The following SGCD variants were observed in gnomAD, a reference collection of about 807,000 sequenced individuals.
SGCD encodes sarcoglycan delta, also known as delta-sarcoglycan.
A neutral mutation model predicts 36.6 loss-of-function variants in SGCD; 18 were observed. The observed-to-expected ratio is 0.49, with a 90% CI of 0.34 to 0.73. The LOEUF (loss-of-function observed/expected upper bound fraction) is 0.73. Among genes scored for constraint, SGCD ranks in the 30% least tolerant of loss-of-function variants. SGCD has a pLI of 0.01. For missense variants in SGCD, 387 were observed against 346.7 expected (o/e 1.12, Z -0.92); for synonymous variants, 133 against 130.6 (o/e 1.02, Z -0.12).
intron 1 of SGCD, among the ~76,000 whole-genome samples, chr5:155,953,252 C>T (rs905436250): frequency 1.3e-5 from 2 of 152,122 alleles, no homozygotes; most frequent in East Asian, 3.9e-4. Flanking sequence ...TTAATACCCT[C>T]CTCTGTTTAT....
At chr5:155,817,355 G>C in the SGCD span, among the ~76,000 whole-genome samples, 2 of 150,568 alleles carry the variant, frequency 1.3e-5, no homozygotes, top group Non-Finnish European at 3.0e-5. Flanking sequence ...CTGATATTAG[G>C]GTCCTGCAAG....
chr5:156,346,224 A>G (rs901015304), intron 3 of SGCD, among the ~76,000 whole-genome samples: 2 of 152,130 alleles, frequency 1.3e-5, no homozygotes, highest in African/African-American at 4.8e-5. Context: ...AAACAAAAAT[A>G]TTACCTTGAT....
At chr5:155,972,189 T>C (rs1026541664) in intron 1 of SGCD, among the ~76,000 whole-genome samples, 1 of 152,212 alleles carries the variant, frequency 6.6e-6, no homozygotes, top group African/African-American at 2.4e-5. Flanking sequence ...GAATAATACA[T>C]GCTAATTGTC....
chr5:156,001,117 C>T (rs1156837222), intron 1 of SGCD, among the ~76,000 whole-genome samples: 1 of 152,210 alleles, frequency 6.6e-6, no homozygotes, highest in Non-Finnish European at 1.5e-5. Context: ...CCTGCTTGGT[C>T]TTTACACCAT....
chr5:156,297,024 C>T (rs1455289470), intron 3 of SGCD, among the ~76,000 whole-genome samples: 1 of 137,422 alleles, frequency 7.3e-6, no homozygotes, highest in Non-Finnish European at 1.5e-5. Context: ...GTGTGTATAG[C>T]ATATAAATAT....
chr5:156,243,304 G>A (rs972728762), intron 3 of SGCD, among the ~76,000 whole-genome samples: 1 of 152,190 alleles, frequency 6.6e-6, no homozygotes, highest in Non-Finnish European at 1.5e-5. Context: ...AGCTAGATGT[G>A]GGATGTTGGA....
chr5:156,078,557 A>T (rs906173009), intron 1 of SGCD, among the ~76,000 whole-genome samples: 1 of 120,272 alleles, frequency 8.3e-6, no homozygotes, highest in African/African-American at 4.3e-5. Context: ...ATATATATTT[A>T]TATTTATATA....
At chr5:156,171,402 A>G (rs1253851795) in intron 3 of SGCD, among the ~76,000 whole-genome samples, 1 of 152,188 alleles carries the variant, frequency 6.6e-6, no homozygotes, top group Non-Finnish European at 1.5e-5. Flanking sequence ...GATTTTCATC[A>G]ATAGATCTAA....
chr5:156,308,639 C>T (rs1468282254), intron 3 of SGCD, among the ~76,000 whole-genome samples: 1 of 152,094 alleles, frequency 6.6e-6, no homozygotes, highest in Admixed American at 6.5e-5. Context: ...CATGAGAAGT[C>T]ACTCACTATC....
intron 1 of SGCD, among the ~76,000 whole-genome samples, chr5:155,993,924 G>C (rs765229190): frequency 6.6e-6 from 1 of 152,152 alleles, no homozygotes; most frequent in Non-Finnish European, 1.5e-5. Flanking sequence ...GTCCACCAAG[G>C]TTCAAGGGAA....
intron 3 of SGCD, among the ~76,000 whole-genome samples, chr5:156,299,701 G>A (rs1767000069): frequency 6.6e-6 from 1 of 152,078 alleles, no homozygotes; most frequent in African/African-American, 2.4e-5. Context: ...TGTAGTTGTA[G>A]TAAATGGGAT....
intron 3 of SGCD, among the ~76,000 whole-genome samples, chr5:156,345,234 T>C (rs746251627): frequency 1.3e-5 from 2 of 152,208 alleles, no homozygotes; most frequent in Non-Finnish European, 2.9e-5. Context: ...AATGTAGCTG[T>C]GTTTCATTTT....
At chr5:156,249,186 G>A (rs1170540069) in intron 3 of SGCD, among the ~76,000 whole-genome samples, 1 of 152,192 alleles carries the variant, frequency 6.6e-6, no homozygotes, top group Non-Finnish European at 1.5e-5. Context: ...TGAGGACTGA[G>A]CCTTGAGAAG....
chr5:156,307,027 A>G (rs184927073), intron 3 of SGCD, among the ~76,000 whole-genome samples: 21 of 148,696 alleles, frequency 1.4e-4, no homozygotes, highest in Non-Finnish European at 3.1e-4. Flanking sequence ...CTATTTGCAC[A>G]GAATATAAGT....
chr5:156,463,575 A>G (rs1754588435), intron 3 of SGCD, among the ~76,000 whole-genome samples: 1 of 152,152 alleles, frequency 6.6e-6, no homozygotes, highest in African/African-American at 2.4e-5. Context: ...ATGGATGGCT[A>G]AAAGGAACAG....
chr5:155,728,573 A>AG, the SGCD span, among the ~76,000 whole-genome samples: 1 of 152,176 alleles, frequency 6.6e-6, no homozygotes, highest in Non-Finnish European at 1.5e-5. Context: ...GGCTCTAAGC[A>AG]GCGCGATGCT....
the SGCD span, among the ~76,000 whole-genome samples, chr5:155,802,767 C>G: frequency 2.0e-5 from 3 of 152,138 alleles, no homozygotes; most frequent in African/African-American, 7.2e-5. Context: ...TGGAATTTAA[C>G]TATTTTCTCT....
At chr5:155,743,495 A>G in the SGCD span, among the ~76,000 whole-genome samples, 2 of 152,236 alleles carry the variant, frequency 1.3e-5, no homozygotes, top group African/African-American at 2.4e-5. Flanking sequence ...TATTTGGGTG[A>G]AATGTATAAC....
chr5:156,003,727 A>G (rs983585018), intron 1 of SGCD, among the ~76,000 whole-genome samples: 5 of 152,208 alleles, frequency 3.3e-5, no homozygotes, highest in African/African-American at 9.6e-5. Flanking sequence ...TCATTTTGAA[A>G]TGTGACTAAG....
Sources: allele counts gnomAD v4.1 joint callset (sites outside exome capture counted in the v4.1 genomes callset), GRCh38; gene constraint gnomAD v4.1.1; transcripts MANE v1.5; gene names NCBI Gene and HGNC (gene_info 2026-07-23, HGNC 2026-07-21).